The following CARMIL1 variants were observed in gnomAD, a reference collection of about 807,000 sequenced individuals.
CARMIL1 encodes the protein F-actin-uncapping protein LRRC16A.
Under a neutral mutation model 177.1 loss-of-function variants are expected in CARMIL1, and 90 were observed. The observed-to-expected ratio is 0.51, with a 90% CI of 0.43 to 0.61. The LOEUF (loss-of-function observed/expected upper bound fraction) is 0.61. CARMIL1 is among the 20% of genes least tolerant of loss of function. The pLI is 0.00. For synonymous variants in CARMIL1, 577 were observed against 606.2 expected (o/e 0.95, Z 0.71); for missense variants, 1,380 against 1,667.0 (o/e 0.83, Z 3.00).
intron 5 of CARMIL1, among the ~76,000 whole-genome samples, chr6:25,449,006 C>G: frequency 6.7e-6 from 1 of 149,966 alleles, no homozygotes; most frequent in Admixed American, 6.7e-5. Context: ...CTCCCATGCT[C>G]AAGCAATCCT....
At chr6:25,318,381 C>A (rs1447149947) in intron 2 of CARMIL1, among the ~76,000 whole-genome samples, 1 of 152,150 alleles carries the variant, frequency 6.6e-6, no homozygotes, top group Non-Finnish European at 1.5e-5. Context: ...ATATATGTGA[C>A]CCTGGTTATC....
intron 5 of CARMIL1, among the ~76,000 whole-genome samples, chr6:25,447,197 T>C (rs1462562805): frequency 6.6e-6 from 1 of 152,232 alleles, no homozygotes; most frequent in Non-Finnish European, 1.5e-5. Flanking sequence ...ATGCAATACC[T>C]GTGAGTATAA....
At chr6:25,429,450 C>A (rs1478695881) in intron 4 of CARMIL1, among the ~76,000 whole-genome samples, 1 of 152,174 alleles carries the variant, frequency 6.6e-6, no homozygotes, top group Non-Finnish European at 1.5e-5. Flanking sequence ...TACTGGCCTA[C>A]AAGTAGGGTA....
intron 8 of CARMIL1, among the ~76,000 whole-genome samples, chr6:25,454,579 T>G (rs1799294123): frequency 1.3e-5 from 2 of 152,214 alleles, no homozygotes. Context: ...TGTGTATAAA[T>G]ATTACTATGG....
intron 31 of CARMIL1, among the ~76,000 whole-genome samples, chr6:25,587,208 AT>A (rs1213467054): frequency 8.6e-5 from 13 of 151,822 alleles, no homozygotes; most frequent in East Asian, 7.7e-4. Flanking sequence ...AAAAACAAAG[AT>A]TTTTTTTTAA....
At chr6:25,442,687 G>A (rs1797884398) in intron 5 of CARMIL1, among the ~76,000 whole-genome samples, 1 of 152,138 alleles carries the variant, frequency 6.6e-6, no homozygotes. Context: ...GGAAATGAAT[G>A]AACTTGTTTC....
At position 25,449,977 on chromosome 6, in the gene CARMIL1, G is replaced by GACAGC. The variant is rs1463836513; in HGVS notation, c.451_452insACAGC (p.Ala151AspfsTer46). The stretch of plus-strand genomic sequence containing the variant: ...GGCGCTGTGGGACAGCCAGACCGTG[G>GACAGC]CTGAGCAGGGCCCCTGTGGTGAGCA... On this transcript the variant is annotated frameshift_variant, in exon 6 of 37. Coordinates refer to ENST00000329474, the MANE Select transcript of CARMIL1 (RefSeq NM_017640.6). LOFTEE classifies it high-confidence loss of function. 1 of 1,610,632 alleles carries GACAGC rather than the reference G, an allele frequency of 6.2e-7. No homozygotes were observed. Among genetic ancestry groups the GACAGC allele is most frequent in the Non-Finnish European group, 8.5e-7 (1 of 1,178,142 alleles).
At chr6:25,412,172 A>C (rs780113566) in intron 2 of CARMIL1, among the ~76,000 whole-genome samples, 2 of 152,268 alleles carry the variant, frequency 1.3e-5, no homozygotes, top group Non-Finnish European at 2.9e-5. Context: ...TAACAGTAAC[A>C]GACACCATGT....
chr6:25,408,758 C>G (rs556383000), intron 2 of CARMIL1, among the ~76,000 whole-genome samples: 1 of 150,410 alleles, frequency 6.6e-6, no homozygotes, highest in Non-Finnish European at 1.5e-5. Context: ...GTGGGAGGAT[C>G]ATTTGATCCC....
chr6:25,475,151 A>G (rs1801426417), intron 11 of CARMIL1, among the ~76,000 whole-genome samples: 1 of 151,988 alleles, frequency 6.6e-6, no homozygotes, highest in Admixed American at 6.6e-5. Context: ...CACGCCTGTA[A>G]TCCCAGCACT....
At chr6:25,383,164 C>G (rs1237668774) in intron 2 of CARMIL1, among the ~76,000 whole-genome samples, 1 of 152,048 alleles carries the variant, frequency 6.6e-6, no homozygotes, top group Non-Finnish European at 1.5e-5. Flanking sequence ...GTCACAGTGT[C>G]ACAGAAAACA....
At chr6:25,586,085 G>C (rs1050738362) in intron 31 of CARMIL1, among the ~76,000 whole-genome samples, 1 of 151,030 alleles carries the variant, frequency 6.6e-6, no homozygotes, top group Non-Finnish European at 1.5e-5. Flanking sequence ...CGGGGTGGCG[G>C]CCAGGCAGAG....
In CARMIL1 at chr6:25,286,081, G is replaced by C. The variant is rs187179663; in HGVS notation, c.138+1172G>C. On this transcript the variant is annotated intron_variant, in intron 2 of 36. Coordinates refer to ENST00000329474, the MANE Select transcript of CARMIL1 (RefSeq NM_017640.6). The stretch of plus-strand genomic sequence containing the variant: ...AGAGACAGGGTCTCCCTGTATTCCC[G>C]AGGCTGGTCTCAAACTCCTGGACTC... Among the ~76,000 whole-genome samples, 183 of 152,210 alleles carry C rather than the reference G, an allele frequency of 1.2e-3. 1 individual carries two copies. Among genetic ancestry groups the C allele is most frequent in the Admixed American group, 4.6e-3 (71 of 15,294 alleles).
intron 16 of CARMIL1, among the ~76,000 whole-genome samples, chr6:25,499,086 T>C (rs144863644): frequency 1.3e-5 from 2 of 152,258 alleles, no homozygotes; most frequent in East Asian, 3.9e-4. Flanking sequence ...TCTCTCTTAG[T>C]AGATAAAGCC....
intron 3 of CARMIL1, among the ~76,000 whole-genome samples, chr6:25,422,015 TATA>T (rs951347336): frequency 1.3e-5 from 2 of 151,778 alleles, no homozygotes; most frequent in Non-Finnish European, 2.9e-5. Context: ...AAACTTAAAG[TATA>T]ATAATAATAA....
chr6:25,309,911 A>G (rs1431674064), intron 2 of CARMIL1, among the ~76,000 whole-genome samples: 1 of 151,804 alleles, frequency 6.6e-6, no homozygotes, highest in Non-Finnish European at 1.5e-5. Context: ...TTGGGATTAC[A>G]GGTGCACGCC....
intron 23 of CARMIL1, among the ~76,000 whole-genome samples, chr6:25,524,366 C>G (rs1806882004): frequency 6.6e-6 from 1 of 152,166 alleles, no homozygotes; most frequent in East Asian, 1.9e-4. Context: ...CTGCAAGACA[C>G]AGATTGTAAT....
intron 2 of CARMIL1, among the ~76,000 whole-genome samples, chr6:25,367,825 C>T (rs899960162): frequency 2.6e-5 from 4 of 152,166 alleles, no homozygotes; most frequent in African/African-American, 7.2e-5. Context: ...GTGGCATGAT[C>T]TCGGCTCACT....
chr6:25,361,341 T>C (rs1789168877), intron 2 of CARMIL1, among the ~76,000 whole-genome samples: 1 of 152,150 alleles, frequency 6.6e-6, no homozygotes, highest in African/African-American at 2.4e-5. Flanking sequence ...TAGTTTTATC[T>C]TTCTCCTTCT....
Sources: gnomAD v4.1 joint callset for allele counts (sites outside exome capture counted in the v4.1 genomes callset) on GRCh38, gnomAD v4.1.1 for gene constraint, MANE v1.5 for transcripts, NCBI Gene and HGNC (gene_info 2026-07-23, HGNC 2026-07-21) for gene names.